GPRC5C: variants seen among roughly 807,000 people sequenced by gnomAD.
The protein encoded by GPRC5C is G protein-coupled receptor class C group 5 member C, also known as G protein-coupled receptor family C group 5 member C.
A neutral mutation model predicts 31.4 loss-of-function variants in GPRC5C; 22 were observed. The observed-to-expected ratio is 0.70, with a 90% CI of 0.50 to 1.00. The LOEUF (loss-of-function observed/expected upper bound fraction) is 1.00. GPRC5C is among the 50% of genes least tolerant of loss of function. GPRC5C has a pLI of 0.00. For missense variants in GPRC5C, 557 were observed against 597.2 expected (o/e 0.93, Z 0.70); for synonymous variants, 249 against 257.5 (o/e 0.97, Z 0.32).
chr17:74,445,394 A>C (rs1469151279), intron 3 of GPRC5C: 1 of 152,052 alleles, frequency 6.6e-6, no homozygotes, highest in African/African-American at 2.4e-5. Context: ...AGCATTCAGC[A>C]CTCCCTCCCC....
In GPRC5C at chr17:74,440,719, G is replaced by A. The variant is rs1191080764; in HGVS notation, c.943G>A (p.Asp315Asn). 2 of 1,602,400 alleles carry A rather than the reference G, an allele frequency of 1.2e-6. No homozygotes were observed. Among genetic ancestry groups the A allele is most frequent in the Middle Eastern group, 1.6e-4 (1 of 6,066 alleles). ...KSSPEQSYQGDMYPTRGVGYE... is the reference protein window; with the variant it reads ...KSSPEQSYQGNMYPTRGVGYE... ...CAGCCCAGAGCAAAGCTACCAGGGG[G>A]ACATGTACCCCACCCGGGGCGTGGG... The change falls in exon 2 of 4, where the codon GAC becomes AAC. Residue 315 changes from aspartate (D) to asparagine (N), a missense_variant. Physicochemically the swap from Asp to Asn is conservative, Grantham distance 23. Transcript: ENST00000392627. The surrounding 1 kb of genome is among the most constrained non-coding windows in gnomAD (Gnocchi z 4.4).
chr17:74,432,955 C>T (rs1017169197), intron 1 of GPRC5C, among the ~76,000 whole-genome samples: 16 of 151,950 alleles, frequency 1.1e-4, no homozygotes, highest in African/African-American at 3.4e-4. Context: ...ACCCCAGTAC[C>T]GTCGACCCAA....
At position 74,440,939 on chromosome 17, in the gene GPRC5C, G is replaced by A. The variant is rs112151927; in HGVS notation, c.1051+112G>A. ...TGGAAAGTTTTTGAGGTTTTCTGTAGTTTTCTGCCTAAGTGTCTCTAAATT... is the reference window on the plus strand; with the variant it reads ...TGGAAAGTTTTTGAGGTTTTCTGTAATTTTCTGCCTAAGTGTCTCTAAATT... On this transcript the variant is annotated intron_variant, in intron 2 of 3. Transcript: ENST00000392627. The surrounding 1 kb of genome is among the most constrained non-coding windows in gnomAD (Gnocchi z 4.4). 9.5e-6 allele frequency: 9 copies of A among 948,036 alleles called. No homozygotes were observed. In the African/African-American group the frequency reaches 1.0e-4, roughly 11 times the overall value. 58.7% of individuals were successfully genotyped at this position (948,036 alleles called of 1,614,324 possible). A position where few individuals can be genotyped will look rare whatever the true frequency, so the allele number is the denominator to read the frequency against.
Position 74,446,994 on chromosome 17 carries a change from C to T in GPRC5C, c.1292C>T (p.Ser431Phe), listed in dbSNP as rs1471262881. 6.2e-7 allele frequency: 1 copy of T among 1,614,174 alleles called. No individual in the cohort carries two copies. The highest frequency in any genetic ancestry group is 2.2e-5 in the East Asian group (1 of 44,886). ...ACACCGCCGAAAGACGGCAAGAACTCTCAGGTCTTTAGAAACCCCTACGTG... is the reference window on the plus strand; with the variant it reads ...ACACCGCCGAAAGACGGCAAGAACTTTCAGGTCTTTAGAAACCCCTACGTG... ...AATPPKDGKNSQVFRNPYVWD is the reference protein window; with the variant it reads ...AATPPKDGKNFQVFRNPYVWD The change falls in exon 4 of 4, where the codon TCT (serine) becomes TTT (phenylalanine). Residue 431 changes from serine (S) to phenylalanine (F), a missense_variant. Transcript: ENST00000392627.
chr17:74,443,246 C>G (rs2055571114), intron 2 of GPRC5C: 1 of 224,006 alleles, frequency 4.5e-6, no homozygotes, highest in East Asian at 1.7e-4. Context: ...AAAAATAGTT[C>G]TGGAAACTTG....
At chr17:74,450,431 CCT>C (rs1221192613), downstream of GPRC5C, 1 of 152,292 alleles carries the variant, frequency 6.6e-6, no homozygotes, top group African/African-American at 2.4e-5. Flanking sequence ...GGAGTCTAGG[CCT>C]CTCTCGTGAC....
chr17:74,437,257 T>A (rs1488021869), intron 1 of GPRC5C, among the ~76,000 whole-genome samples: 1 of 152,174 alleles, frequency 6.6e-6, no homozygotes, highest in African/African-American at 2.4e-5. Flanking sequence ...AGCCCTCTCT[T>A]ACTCCTCTTT....
chr17:74,443,066 C>G lies in GPRC5C; in HGVS notation c.1052-752C>G, dbSNP rs947297176. 1.9e-5 allele frequency: 3 copies of G among 154,550 alleles called. No individual in the cohort carries two copies. The Admixed American group carries it at 2.0e-4, about 10-fold the overall frequency. 9.6% of individuals were successfully genotyped at this position (154,550 alleles called of 1,614,324 possible). A position where few individuals can be genotyped will look rare whatever the true frequency, so the allele number is the denominator to read the frequency against. On this transcript the variant is annotated intron_variant, in intron 2 of 3. Transcript: ENST00000392627. ...TTGCGGTCCCTCAGAACTGCAGGGC[C>G]GTCAGCCTTGCCGGAGCCAGACGTC...
downstream of GPRC5C, among the ~76,000 whole-genome samples, chr17:74,448,155 A>T (rs1188265975): frequency 7.3e-5 from 11 of 151,532 alleles, no homozygotes; most frequent in Admixed American, 3.3e-4. Flanking sequence ...CAAAAAAAAA[A>T]TTTTTTTTTA....
At chr17:74,448,061 C>A (rs1428700831), downstream of GPRC5C, among the ~76,000 whole-genome samples, 3 of 152,160 alleles carry the variant, frequency 2.0e-5, no homozygotes, top group Non-Finnish European at 4.4e-5. Context: ...GTAATTCCAG[C>A]ACTTTGGGAG....
chr17:74,439,624 G>C (rs1418994966), intron 1 of GPRC5C, 121 bp from the exon 2 acceptor site: 16 of 899,454 alleles, frequency 1.8e-5, no homozygotes, highest in East Asian at 2.4e-5. Flanking sequence ...CTGAGGTCCA[G>C]AGAGCCTCAC....
At chr17:74,442,057 C>T (rs755069906) in intron 2 of GPRC5C, among the ~76,000 whole-genome samples, 2 of 152,206 alleles carry the variant, frequency 1.3e-5, no homozygotes, top group South Asian at 2.1e-4. Flanking sequence ...GGCTGGAGTA[C>T]AGTGGTGTGA....
In GPRC5C at chr17:74,440,879, T is replaced by C; in HGVS notation, c.1051+52T>C. 7.1e-7 allele frequency: 1 copy of C among 1,416,368 alleles called. No individual in the cohort carries two copies. Among genetic ancestry groups the C allele is most frequent in the East Asian group, 2.5e-5 (1 of 40,544 alleles). The allele number at this position is 1,416,368 out of a possible 1,614,324, so 87.7% of individuals were successfully genotyped here. A position where few individuals can be genotyped will look rare whatever the true frequency, so the allele number is the denominator to read the frequency against. ...GCCCCTTTCTCCATCCCATGTCTTT[T>C]ACTGCAGGACAGGGAGCCAGTCTCT... On this transcript the variant is annotated intron_variant, in intron 2 of 3. Transcript: ENST00000392627. The surrounding 1 kb of genome is among the most constrained non-coding windows in gnomAD (Gnocchi z 4.4).
At chr17:74,451,127 G>A (rs1340057348), downstream of GPRC5C, 3 of 152,202 alleles carry the variant, frequency 2.0e-5, no homozygotes, top group African/African-American at 4.8e-5. Context: ...GGGAAGCAGG[G>A]AGCTCTGTGG....
intron 3 of GPRC5C, among the ~76,000 whole-genome samples, chr17:74,444,127 A>G (rs1378381716): frequency 6.6e-6 from 1 of 152,170 alleles, no homozygotes; most frequent in Non-Finnish European, 1.5e-5. Flanking sequence ...CTTCAGCTGC[A>G]CTGCAGTGGG....
chr17:74,443,756 G>A (rs1443322614), intron 2 of GPRC5C, 62 bp from the exon 3 acceptor site: 1 of 1,210,990 alleles, frequency 8.3e-7, no homozygotes, highest in Non-Finnish European at 1.2e-6. Flanking sequence ...TTGGTTTGTG[G>A]GAGGTGGGGA....
chr17:74,449,824 T>A, downstream of GPRC5C: 1 of 159,994 alleles, frequency 6.3e-6, no homozygotes, highest in Non-Finnish European at 1.4e-5. Context: ...CCTAGATGGA[T>A]CTCCTCCATG....
In GPRC5C at chr17:74,447,215, G is replaced by A. The variant is rs2055654407; in HGVS notation, c.*187G>A. The A allele has an allele frequency of 2.9e-6, 4 of 1,356,296 alleles. No homozygotes were observed. The South Asian group carries it at 5.4e-5, about 18-fold the overall frequency. 84.0% of individuals were successfully genotyped at this position (1,356,296 alleles called of 1,614,324 possible). A position where few individuals can be genotyped will look rare whatever the true frequency, so the allele number is the denominator to read the frequency against. ...TGGGTGTCCCCACCCACTCCTCAGT[G>A]TTTGTGGAGTCGAGGAGCCAACCCC... On this transcript the variant is annotated 3_prime_UTR_variant, in exon 4 of 4. Transcript: ENST00000392627.
Position 74,443,866 on chromosome 17 carries a change from C to A in GPRC5C, c.1100C>A (p.Thr367Asn). ...PYSGYNGQLL[T>N]SVYQPTEMAL... is the part of the protein sequence containing the mutation. ...AGCGGGTACAATGGGCAGCTGCTGA[C>A]CAGTGTGTACCAGCCCACTGAGATG... Residue 367 changes from threonine (T) to asparagine (N), a missense_variant, in exon 3 of 4, where the codon ACC (threonine) becomes AAC (asparagine). Thr to Asn is a moderately conservative substitution (Grantham distance 65). Transcript: ENST00000392627. 2 of 1,613,524 alleles carry A rather than the reference C, an allele frequency of 1.2e-6. No individual in the cohort carries two copies. The highest frequency in any genetic ancestry group is 4.5e-5 in the East Asian group (2 of 44,884).
Sources: allele counts gnomAD v4.1 joint callset (sites outside exome capture counted in the v4.1 genomes callset), GRCh38; gene constraint gnomAD v4.1.1; non-coding constraint Gnocchi (gnomAD v3.1); transcripts MANE v1.5; gene names NCBI Gene and HGNC (gene_info 2026-07-23, HGNC 2026-07-21).